The following ATP2B1 variants were observed in gnomAD, a reference collection of about 807,000 sequenced individuals.
ATP2B1 encodes the protein ATPase plasma membrane Ca2+ transporting 1.
A neutral mutation model predicts 124.2 loss-of-function variants in ATP2B1; 14 were observed. That is an observed-to-expected ratio of 0.11 (90% CI 0.07 to 0.18). ATP2B1 has a LOEUF of 0.18. Among genes scored for constraint, ATP2B1 ranks in the 10% least tolerant of loss-of-function variants. The pLI, the probability that ATP2B1 is intolerant of heterozygous loss-of-function variation, is 1.00. For synonymous variants in ATP2B1, 449 were observed against 492.4 expected, an observed-to-expected ratio of 0.91 and a Z score of 1.17; for missense variants, 763 against 1,466.1, an observed-to-expected ratio of 0.52 and a Z score of 7.83.
At chr12:89,664,372 T>C (rs1324569902) in intron 1 of ATP2B1, among the ~76,000 whole-genome samples, 1 of 152,232 alleles carries the variant, frequency 6.6e-6, no homozygotes, top group African/African-American at 2.4e-5. Context: ...TTAATGTGAA[T>C]GATCTCAAAC....
chr12:89,639,186 C>A (rs1461454315), intron 3 of ATP2B1, among the ~76,000 whole-genome samples: 1 of 152,142 alleles, frequency 6.6e-6, no homozygotes, highest in Non-Finnish European at 1.5e-5. Context: ...CAAAAAGATA[C>A]ATGTAGTGTA....
At chr12:89,669,427 C>T (rs1361447106) in intron 1 of ATP2B1, among the ~76,000 whole-genome samples, 1 of 152,140 alleles carries the variant, frequency 6.6e-6, no homozygotes, top group Admixed American at 6.5e-5. Context: ...GATGCCTGAC[C>T]TGACACTAAA....
At chr12:89,604,425 A>G in intron 15 of ATP2B1, 79 bp from the exon 16 acceptor site, 1 of 1,143,426 alleles carries the variant, frequency 8.7e-7, no homozygotes, top group Non-Finnish European at 1.2e-6. Context: ...ACACTTAATA[A>G]ACAAAAAGTT....
intron 1 of ATP2B1, among the ~76,000 whole-genome samples, chr12:89,683,447 A>G (rs1218674674): frequency 6.6e-6 from 1 of 152,186 alleles, no homozygotes; most frequent in Non-Finnish European, 1.5e-5. Flanking sequence ...CAGGCTCCCA[A>G]TTCCGTAAAG....
intron 1 of ATP2B1, among the ~76,000 whole-genome samples, chr12:89,688,915 A>G (rs964445010): frequency 7.9e-5 from 12 of 152,242 alleles, no homozygotes; most frequent in Admixed American, 7.9e-4. Flanking sequence ...GCTTAGGGCT[A>G]ATCGTATCTT....
chr12:89,624,037 C>T, intron 9 of ATP2B1, 146 bp downstream of exon 9: 1 of 717,022 alleles, frequency 1.4e-6, no homozygotes, highest in East Asian at 2.8e-5. Context: ...TACAGGGCAT[C>T]AATGACAACA....
intron 5 of ATP2B1, among the ~76,000 whole-genome samples, chr12:89,631,828 T>C (rs1881909571): frequency 6.6e-6 from 1 of 152,032 alleles, no homozygotes; most frequent in African/African-American, 2.4e-5. Flanking sequence ...TTTTTTTTTT[T>C]TGTAGAGACA....
chr12:89,668,400 A>G (rs985886595), intron 1 of ATP2B1, among the ~76,000 whole-genome samples: 2 of 152,214 alleles, frequency 1.3e-5, no homozygotes, highest in Admixed American at 1.3e-4. Flanking sequence ...ACCAGCACAC[A>G]CATAAAAAAG....
Position 89,683,188 on chromosome 12 carries a change from G to A in ATP2B1, c.-222+25408C>T, listed in dbSNP as rs563460032. 2.6e-5 allele frequency among the ~76,000 whole-genome samples: 4 copies of A among 152,304 alleles called. No homozygotes were observed. In the South Asian group the frequency reaches 8.3e-4, roughly 32 times the overall value. On this transcript the variant is annotated intron_variant, in intron 1 of 20. Transcript: ENST00000428670. ...AAATACTGTTTGGCAAGGTTTGGGG[G>A]AAACAATCAATTCACCAGCAATGTA...
rs915606406 is a variant in ATP2B1, at chr12:89,603,439, A to G, written c.2849-185T>C. ...TATAGGCAAGGAAACAGAAGCTCCC[A>G]AAACTATGGTGATAATCTCAGGATC... On this transcript the variant is annotated intron_variant, in intron 17 of 20. Transcript: ENST00000428670. The surrounding 1 kb of genome is among the most constrained non-coding windows in gnomAD (Gnocchi z 4.3). 1.5e-6 allele frequency: 1 copy of G among 649,344 alleles called. No individual in the cohort carries two copies. Among genetic ancestry groups the G allele is most frequent in the Non-Finnish European group, 2.6e-6 (1 of 386,970 alleles). 40.2% of individuals were successfully genotyped at this position (649,344 alleles called of 1,614,324 possible).
chr12:89,693,003 G>A (rs903211830), intron 1 of ATP2B1, among the ~76,000 whole-genome samples: 1 of 152,136 alleles, frequency 6.6e-6, no homozygotes, highest in Admixed American at 6.5e-5. Context: ...GTATGCTTCT[G>A]TCAGTAAAGT....
At chr12:89,699,613 T>G (rs1453138695) in intron 1 of ATP2B1, among the ~76,000 whole-genome samples, 1 of 152,160 alleles carries the variant, frequency 6.6e-6, no homozygotes, top group Non-Finnish European at 1.5e-5. Context: ...AGAAACCAAG[T>G]GATTTATCCA....
At chr12:89,677,481 A>G (rs1480916972) in intron 1 of ATP2B1, among the ~76,000 whole-genome samples, 1 of 152,136 alleles carries the variant, frequency 6.6e-6, no homozygotes, top group Non-Finnish European at 1.5e-5. Flanking sequence ...GGAAGAACAC[A>G]AGACCAAGCT....
intron 2 of ATP2B1, among the ~76,000 whole-genome samples, chr12:89,648,006 T>C (rs6538194): frequency 0.93 from 141,912 of 152,270 alleles, 66,354 homozygotes; most frequent in East Asian, 0.99. Context: ...ATGCTACCTG[T>C]ATAGCCCGCA....
At chr12:89,639,322 G>A (rs1002564518) in intron 3 of ATP2B1, among the ~76,000 whole-genome samples, 2 of 152,044 alleles carry the variant, frequency 1.3e-5, no homozygotes, top group South Asian at 4.1e-4. Flanking sequence ...TGGCCAACAT[G>A]GTGAAACCCC....
chr12:89,602,763 AATTG>A (rs1876115996), intron 18 of ATP2B1, among the ~76,000 whole-genome samples: 1 of 152,218 alleles, frequency 6.6e-6, no homozygotes, highest in Non-Finnish European at 1.5e-5. Flanking sequence ...GGAAACAATT[AATTG>A]ATTGGCTGAC....
chr12:89,658,983 T>A (rs903645910), intron 1 of ATP2B1, among the ~76,000 whole-genome samples: 1 of 152,212 alleles, frequency 6.6e-6, no homozygotes, highest in African/African-American at 2.4e-5. Context: ...AGATCACCCA[T>A]AGCTCCTTTT....
Position 89,626,786 on chromosome 12 carries a change from G to A in ATP2B1, c.968-171C>T, listed in dbSNP as rs1461857186. On this transcript the variant is annotated intron_variant, in intron 7 of 20. Transcript: ENST00000428670. ...ACAGAGAAAATAAGACAATAGTGAC[G>A]TTAGGTTGTGAAACTTTGTACCATA... Among the ~76,000 whole-genome samples the A allele has an allele frequency of 3.3e-5, 5 of 152,154 alleles. No homozygotes were observed. In the South Asian group the frequency reaches 6.2e-4, roughly 19 times the overall value.
chr12:89,588,704 C>G lies in ATP2B1; in HGVS notation c.*2280G>C, dbSNP rs1873050930. The G allele has an allele frequency of 6.6e-6, 1 of 152,536 alleles. No homozygotes were observed. The highest frequency in any genetic ancestry group is 1.5e-5 in the Non-Finnish European group (1 of 68,008). The allele number at this position is 152,536 out of a possible 1,614,324, so 9.4% of individuals were successfully genotyped here. The stretch of plus-strand genomic sequence containing the variant: ...ATGGATTAGAGTTGGTGTAGAAAGC[C>G]ATTGCCTTGAGTTGAAAAATGAATA... On this transcript the variant is annotated 3_prime_UTR_variant, in exon 21 of 21. Coordinates refer to ENST00000428670, the MANE Select transcript of ATP2B1 (RefSeq NM_001366521.1).
Sources: allele counts gnomAD v4.1 joint callset (sites outside exome capture counted in the v4.1 genomes callset), GRCh38; gene constraint gnomAD v4.1.1; non-coding constraint Gnocchi (gnomAD v3.1); transcripts MANE v1.5; gene names NCBI Gene and HGNC (gene_info 2026-07-23, HGNC 2026-07-21).